JAK1: variants seen among roughly 807,000 people sequenced by gnomAD.
JAK1 encodes tyrosine-protein kinase JAK1.
Under a neutral mutation model 136.6 loss-of-function variants are expected in JAK1, and 16 were observed. That is an observed-to-expected ratio of 0.12 (90% CI 0.08 to 0.18). JAK1 has a LOEUF of 0.18. JAK1 is among the 10% of genes least tolerant of loss of function. The pLI, the probability that JAK1 is intolerant of heterozygous loss-of-function variation, is 1.00. For synonymous variants in JAK1, 492 were observed against 519.5 expected, an observed-to-expected ratio of 0.95 and a Z score of 0.72; for missense variants, 859 against 1,450.1, an observed-to-expected ratio of 0.59 and a Z score of 6.62.
At chr1:65,065,267 C>CA (rs1450845404) in intron 1 of JAK1, among the ~76,000 whole-genome samples, 4 of 152,178 alleles carry the variant, frequency 2.6e-5, no homozygotes, top group African/African-American at 4.8e-5. Context: ...GGGGAAAACT[C>CA]AGAGTGTTAC....
chr1:65,001,997 C>G (rs1176983276), intron 2 of JAK1, among the ~76,000 whole-genome samples: 1 of 151,742 alleles, frequency 6.6e-6, no homozygotes, highest in Non-Finnish European at 1.5e-5. Context: ...ATATATCAGG[C>G]GTCCCCGAGA....
rs200748884 is a variant in JAK1, at chr1:64,879,120, A to G, written c.234T>C (p.Phe78=). ...GCTTGGTGTTCTCGTCATACAGGGC[A>G]AAGAGGTTGTGACAAAGAGGAGAGA... ...CRISPLCHNL[F]ALYDENTKLW... Residue 78 remains phenylalanine (F), a synonymous_variant, in exon 4 of 25, where the codon TTT becomes TTC. Transcript: ENST00000342505. 1.9e-6 allele frequency: 3 copies of G among 1,614,000 alleles called. No homozygotes were observed. The highest frequency in any genetic ancestry group is 3.3e-5 in the Admixed American group (2 of 60,004).
rs1557657885 is a variant in JAK1, at chr1:64,878,567, A to ATATG, written c.329+457_329+458insCATA. On this transcript the variant is annotated intron_variant, in intron 4 of 24. Transcript: ENST00000342505. ...ACCTTTATATATATAGTGTGTATAT[A>ATATG]TATATATATATATATATATATATAT... Among the ~76,000 whole-genome samples the ATATG allele has an allele frequency of 6.3e-3, 116 of 18,536 alleles. 2 individuals carry two copies. In the East Asian group the frequency reaches 0.093, roughly 15 times the overall value. The allele number at this position is 18,536 out of a possible 152,430, so 12.2% of individuals were successfully genotyped here.
chr1:65,035,460 A>C (rs987282986), intron 2 of JAK1, among the ~76,000 whole-genome samples: 2 of 152,174 alleles, frequency 1.3e-5, no homozygotes, highest in African/African-American at 2.4e-5. Flanking sequence ...AGTTGAGGAG[A>C]CTTGACCTTC....
At chr1:65,054,020 T>A (rs1315393054) in intron 1 of JAK1, among the ~76,000 whole-genome samples, 1 of 152,214 alleles carries the variant, frequency 6.6e-6, no homozygotes, top group Non-Finnish European at 1.5e-5. Context: ...GGAGGTAGTC[T>A]AATGTTCCTA....
chr1:64,902,583 A>AGAGAGTGTGTGTGTGTGTGTGT, intron 1 of JAK1, among the ~76,000 whole-genome samples: 4 of 73,758 alleles, frequency 5.4e-5, no homozygotes, highest in Non-Finnish European at 9.5e-5. Flanking sequence ...AGAGAGAGAG[A>AGAGAGTGTGTGTGTGTGTGTGT]GTGTGTGTGT....
chr1:64,906,361 T>C (rs1252372176), intron 1 of JAK1, among the ~76,000 whole-genome samples: 1 of 150,472 alleles, frequency 6.6e-6, no homozygotes, highest in Non-Finnish European at 1.5e-5. Flanking sequence ...TTAACAGGCA[T>C]CCAAACCATC....
chr1:65,009,867 A>G (rs1281385048), intron 2 of JAK1, among the ~76,000 whole-genome samples: 3 of 152,144 alleles, frequency 2.0e-5, no homozygotes, highest in African/African-American at 7.2e-5. Flanking sequence ...GCTAAATTAC[A>G]CTTATGCAAA....
chr1:65,061,902 C>T (rs1421525455), intron 1 of JAK1, among the ~76,000 whole-genome samples: 5 of 152,056 alleles, frequency 3.3e-5, no homozygotes, highest in African/African-American at 4.8e-5. Context: ...CAAGGACCAC[C>T]GCCCTATACA....
Position 64,984,710 on chromosome 1 carries a change from T to G in JAK1, c.-78+59770A>C. 1 of 726,882 alleles carries G rather than the reference T, an allele frequency of 1.4e-6. No homozygotes were observed. Among genetic ancestry groups the G allele is most frequent in the Non-Finnish European group, 2.3e-6 (1 of 432,036 alleles). 45.0% of individuals were successfully genotyped at this position (726,882 alleles called of 1,614,324 possible). A position where few individuals can be genotyped will look rare whatever the true frequency, so the allele number is the denominator to read the frequency against. On this transcript the variant is annotated intron_variant, in intron 2 of 25. Coordinates refer to the JAK1 transcript ENST00000671954. The surrounding 1 kb of genome is among the most constrained non-coding windows in gnomAD (Gnocchi z 4.1). ...CGTGTGCCTGCCCCTCAAAGGCCTA[T>G]GTGATATCCTTGAAAGTCCTGTAAC...
At chr1:64,909,921 T>C (rs1645254172) in intron 1 of JAK1, among the ~76,000 whole-genome samples, 1 of 143,808 alleles carries the variant, frequency 7.0e-6, no homozygotes, top group Non-Finnish European at 1.5e-5. Context: ...AAGAGGTTAA[T>C]AGGCAACATA....
At chr1:64,995,735 T>A (rs904398827) in intron 2 of JAK1, among the ~76,000 whole-genome samples, 1 of 150,708 alleles carries the variant, frequency 6.6e-6, no homozygotes, top group African/African-American at 2.5e-5. Flanking sequence ...GATATTGGCC[T>A]TTTGTTTTGT....
chr1:64,989,002 G>GTATATATATATATATATATA (rs57569640), intron 2 of JAK1, among the ~76,000 whole-genome samples: 1 of 129,238 alleles, frequency 7.7e-6, no homozygotes, highest in African/African-American at 2.8e-5. Flanking sequence ...GTGTGTGTGT[G>GTATATATATATATATATATA]TATATATATA....
Position 64,924,621 on chromosome 1 carries a change from G to A in JAK1, c.-77-38280C>T, listed in dbSNP as rs77453594. On this transcript the variant is annotated intron_variant, in intron 1 of 24. Coordinates refer to ENST00000342505, the MANE Select transcript of JAK1 (RefSeq NM_002227.4). ...TGGCTCCTAAGCAGGTGCTCAGTAA[G>A]TCTGAGGAAGTGGGTGGTAGTTCTT... 1.1e-3 allele frequency among the ~76,000 whole-genome samples: 170 copies of A among 152,342 alleles called. 1 individual carries two copies. The highest frequency in any genetic ancestry group is 4.0e-3 in the African/African-American group (165 of 41,576).
At chr1:64,839,106 A>G (rs1465270839) in intron 20 of JAK1, among the ~76,000 whole-genome samples, 1 of 136,196 alleles carries the variant, frequency 7.3e-6, no homozygotes, top group Non-Finnish European at 1.5e-5. Context: ...AGATTGCGCC[A>G]CTGCAGTCCA....
At chr1:65,009,654 A>T (rs1646832482) in intron 2 of JAK1, among the ~76,000 whole-genome samples, 1 of 152,192 alleles carries the variant, frequency 6.6e-6, no homozygotes, top group Non-Finnish European at 1.5e-5. Context: ...ACCTGCTATG[A>T]TCCAGACACA....
chr1:64,841,411 C>T (rs1557623135), intron 18 of JAK1, 40 bp downstream of exon 18: 3 of 1,613,718 alleles, frequency 1.9e-6, no homozygotes, highest in Non-Finnish European at 2.5e-6. Flanking sequence ...GCTCCTGTTT[C>T]TCCCCAAGCT....
At chr1:64,848,930 C>G (rs1161544448) in intron 12 of JAK1, among the ~76,000 whole-genome samples, 2 of 152,230 alleles carry the variant, frequency 1.3e-5, no homozygotes, top group East Asian at 1.9e-4. Flanking sequence ...CTGCTGTATC[C>G]TGGCAAGGTC....
chr1:65,017,324 C>G (rs988992167), intron 2 of JAK1, among the ~76,000 whole-genome samples: 1 of 152,052 alleles, frequency 6.6e-6, no homozygotes, highest in African/African-American at 2.4e-5. Flanking sequence ...TAAAAATTAG[C>G]TGGGCATGGT....
Sources: allele counts gnomAD v4.1 joint callset (sites outside exome capture counted in the v4.1 genomes callset), GRCh38; gene constraint gnomAD v4.1.1; non-coding constraint Gnocchi (gnomAD v3.1); transcripts MANE v1.5; gene names NCBI Gene and HGNC (gene_info 2026-07-23, HGNC 2026-07-21).